The following LSM12 variants were observed in gnomAD, a reference collection of about 807,000 sequenced individuals.
LSM12 encodes protein LSM12.
For missense variants in LSM12, 108 were observed against 238.9 expected (o/e 0.45, Z 3.61); for synonymous variants, 74 against 87.3 (o/e 0.85, Z 0.85).
upstream of LSM12, among the ~76,000 whole-genome samples, chr17:44,066,951 C>T (rs1476233189): frequency 6.6e-6 from 1 of 152,226 alleles, no homozygotes; most frequent in African/African-American, 2.4e-5. Context: ...AATATGTTAA[C>T]CCCATTTTGC....
intron 3 of LSM12, among the ~76,000 whole-genome samples, chr17:44,039,247 G>A (rs1348391282): frequency 6.6e-6 from 1 of 151,796 alleles, no homozygotes; most frequent in Non-Finnish European, 1.5e-5. Context: ...AGAGATGGGG[G>A]TTTCAACATG....
intron 2 of LSM12, among the ~76,000 whole-genome samples, chr17:44,042,423 G>C (rs1451593611): frequency 1.3e-5 from 2 of 152,016 alleles, no homozygotes; most frequent in Non-Finnish European, 2.9e-5. Context: ...TCTTGGGATT[G>C]AGTTTCACTC....
Position 44,052,040 on chromosome 17 carries a change from G to A in LSM12, c.258+11761C>T, listed in dbSNP as rs923139299. 7.2e-5 allele frequency among the ~76,000 whole-genome samples: 11 copies of A among 151,960 alleles called. No individual in the cohort carries two copies. The South Asian group carries it at 1.2e-3, about 17-fold the overall frequency. On this transcript the variant is annotated intron_variant, in intron 2 of 4. Transcript: ENST00000293406. ...GGAGAATTGTTTGAACCGGGGAGGCGGAGGTAGCAATGAGCCAAGATCATG... is the reference window on the plus strand; with the variant it reads ...GGAGAATTGTTTGAACCGGGGAGGCAGAGGTAGCAATGAGCCAAGATCATG...
At chr17:44,051,479 G>T (rs1420499566) in intron 2 of LSM12, among the ~76,000 whole-genome samples, 1 of 151,788 alleles carries the variant, frequency 6.6e-6, no homozygotes, top group African/African-American at 2.4e-5. Context: ...CTTGTGCCTG[G>T]GGGGAGGAGG....
At chr17:44,064,048 G>T in intron 1 of LSM12, 114 bp from the exon 2 acceptor site, 1 of 1,135,056 alleles carries the variant, frequency 8.8e-7, no homozygotes, top group Non-Finnish European at 1.2e-6. Flanking sequence ...CAGGCCAGGA[G>T]CATGAGGGCC....
intron 2 of LSM12, among the ~76,000 whole-genome samples, chr17:44,045,322 G>A (rs1000037423): frequency 6.6e-6 from 1 of 152,044 alleles, no homozygotes; most frequent in East Asian, 1.9e-4. Context: ...CACCATGCCT[G>A]GCCTTAAATC....
chr17:44,048,616 A>C (rs979847694), intron 2 of LSM12, among the ~76,000 whole-genome samples: 6 of 152,176 alleles, frequency 3.9e-5, no homozygotes, highest in African/African-American at 1.4e-4. Flanking sequence ...AGCATCTCAA[A>C]GAATAAAAAG....
At chr17:44,061,140 A>T (rs1206558523) in intron 2 of LSM12, among the ~76,000 whole-genome samples, 1 of 152,058 alleles carries the variant, frequency 6.6e-6, no homozygotes, top group Non-Finnish European at 1.5e-5. Context: ...CAACACGGAG[A>T]AACCCCGTCT....
chr17:44,041,478 T>C (rs910649782), intron 2 of LSM12, among the ~76,000 whole-genome samples: 3 of 152,122 alleles, frequency 2.0e-5, no homozygotes, highest in Admixed American at 2.0e-4. Flanking sequence ...TACAGAACAT[T>C]ATCTGTGCTC....
rs950117802 is a variant in LSM12 at position 44,034,379 on chromosome 17, A to C, written c.*1829T>G. On this transcript the variant is annotated 3_prime_UTR_variant, in exon 5 of 5. Coordinates refer to ENST00000293406, the MANE Select transcript of LSM12 (RefSeq NM_001371445.1). The stretch of plus-strand genomic sequence containing the variant: ...CAGCTCGCCGACCATTTGTGCCTCC[A>C]AACAGTCCTGTAACAAATGGTTCTA... 1.3e-5 allele frequency among the ~76,000 whole-genome samples: 2 copies of C among 152,158 alleles called. No individual in the cohort carries two copies. The highest frequency in any genetic ancestry group is 2.4e-5 in the African/African-American group (1 of 41,438).
chr17:44,046,720 A>AC (rs1233630219), intron 2 of LSM12, among the ~76,000 whole-genome samples: 1 of 150,426 alleles, frequency 6.6e-6, no homozygotes, highest in East Asian at 1.9e-4. Context: ...AAAAAAAAAA[A>AC]AAAAAAAGGA....
At chr17:44,061,107 C>T (rs561529842) in intron 2 of LSM12, among the ~76,000 whole-genome samples, 53 of 152,076 alleles carry the variant, frequency 3.5e-4, no homozygotes, top group African/African-American at 1.3e-3. Context: ...CACCTGAGGT[C>T]GGGAGTTCGA....
intron 2 of LSM12, among the ~76,000 whole-genome samples, chr17:44,057,083 G>C (rs1375861983): frequency 6.6e-6 from 1 of 152,022 alleles, no homozygotes; most frequent in Non-Finnish European, 1.5e-5. Flanking sequence ...TTTAGCACAG[G>C]AGGCGGAGGT....
At chr17:44,049,234 C>T (rs1404390077) in intron 2 of LSM12, among the ~76,000 whole-genome samples, 3 of 152,002 alleles carry the variant, frequency 2.0e-5, no homozygotes, top group African/African-American at 7.2e-5. Context: ...CAAAAAAAAC[C>T]GGCTTCTAAT....
At chr17:44,057,773 GTAA>G (rs544382507) in intron 2 of LSM12, among the ~76,000 whole-genome samples, 2 of 150,200 alleles carry the variant, frequency 1.3e-5, no homozygotes, top group Admixed American at 6.6e-5. Flanking sequence ...AAAAAACAAA[GTAA>G]TAATAATAAT....
intron 3 of LSM12, among the ~76,000 whole-genome samples, chr17:44,038,930 G>A (rs2049450869): frequency 2.0e-5 from 3 of 152,202 alleles, no homozygotes; most frequent in Admixed American, 2.0e-4. Context: ...ACCAGATCCA[G>A]GGTGGTTAAA....
rs533195895 is a variant in LSM12, at chr17:44,058,269, T to G, written c.258+5532A>C. On this transcript the variant is annotated intron_variant, in intron 2 of 4. Transcript: ENST00000293406. ...AAATAATAAATAATAATAATAATAA[T>G]AATAATTTGGGAGACATTAACTAAC... 7.9e-5 allele frequency among the ~76,000 whole-genome samples: 12 copies of G among 151,480 alleles called. No individual in the cohort carries two copies. In the East Asian group the frequency reaches 1.9e-3, roughly 25 times the overall value.
chr17:44,040,403 A>T lies in LSM12; in HGVS notation c.259-147T>A, dbSNP rs75745125. ...AGAAATGAAAAGTGAAACAAATTTTAAAAATCCACGACATACCTGAACAGT... is the reference window on the plus strand; with the variant it reads ...AGAAATGAAAAGTGAAACAAATTTTTAAAATCCACGACATACCTGAACAGT... On this transcript the variant is annotated intron_variant, in intron 2 of 4. Coordinates refer to ENST00000293406, the MANE Select transcript of LSM12 (RefSeq NM_001371445.1). The T allele has an allele frequency of 6.6e-6, 4 of 610,394 alleles. No homozygotes were observed. The East Asian group carries it at 8.8e-5, about 13-fold the overall frequency. The allele number at this position is 610,394 out of a possible 1,614,324, so 37.8% of individuals were successfully genotyped here.
Position 44,034,360 on chromosome 17 carries a change from GCCGA to G in LSM12, c.*1844_*1847del, listed in dbSNP as rs139178052. 4.3e-3 allele frequency among the ~76,000 whole-genome samples: 654 copies of G among 152,210 alleles called. 6 individuals are homozygous for G. Among genetic ancestry groups the G allele is most frequent in the African/African-American group, 0.015 (617 of 41,518 alleles). On this transcript the variant is annotated 3_prime_UTR_variant, in exon 5 of 5. Coordinates refer to ENST00000293406, the MANE Select transcript of LSM12 (RefSeq NM_001371445.1). ...GATCTGAAAGTTTACTTCTCAGCTC[GCCGA>G]CCATTTGTGCCTCCAAACAGTCCTG... is the stretch of plus-strand genomic sequence containing the variant.
Sources: allele counts gnomAD v4.1 joint callset (sites outside exome capture counted in the v4.1 genomes callset), GRCh38; gene constraint gnomAD v4.1.1; transcripts MANE v1.5; gene names NCBI Gene and HGNC (gene_info 2026-07-23, HGNC 2026-07-21).